Variants in RPAP3 observed in about 807,000 individuals in gnomAD.
RPAP3 encodes RNA polymerase II associated protein 3.
Under a neutral mutation model 88.8 loss-of-function variants are expected in RPAP3, and 58 were observed. The observed-to-expected ratio is 0.65, with a 90% CI of 0.53 to 0.81. The LOEUF is 0.81. Ranked by LOEUF, RPAP3 falls within the 40% of genes least tolerant of loss-of-function variation. RPAP3 has a pLI of 0.00. For synonymous variants in RPAP3, 255 were observed against 259.9 expected (o/e 0.98, Z 0.18); for missense variants, 751 against 764.3 (o/e 0.98, Z 0.20).
chr12:47,664,208 T>C (rs997299523), intron 16 of RPAP3, among the ~76,000 whole-genome samples: 5 of 152,164 alleles, frequency 3.3e-5, no homozygotes, highest in African/African-American at 1.2e-4. Context: ...GCTAACACGG[T>C]GAAACCCCGT....
chr12:47,704,863 A>C (rs1203023596), intron 1 of RPAP3, among the ~76,000 whole-genome samples: 1 of 151,848 alleles, frequency 6.6e-6, no homozygotes, highest in Non-Finnish European at 1.5e-5. Flanking sequence ...AAACACAAAA[A>C]TTAGCCAGGC....
chr12:47,665,396 C>T (rs1004523611), intron 16 of RPAP3, among the ~76,000 whole-genome samples: 4 of 151,202 alleles, frequency 2.6e-5, no homozygotes, highest in African/African-American at 4.8e-5. Flanking sequence ...CAATTACAGG[C>T]GTGAGCCACT....
chr12:47,672,465 A>G (rs1158353659), intron 12 of RPAP3, among the ~76,000 whole-genome samples: 1 of 152,238 alleles, frequency 6.6e-6, no homozygotes, highest in Non-Finnish European at 1.5e-5. Context: ...CCTTTGATAT[A>G]AACTAATCTG....
At position 47,671,045 on chromosome 12, in the gene RPAP3, A is replaced by C. The variant is rs1334866279; in HGVS notation, c.1288-700T>G. Among the ~76,000 whole-genome samples, 4 of 152,242 alleles carry C rather than the reference A, an allele frequency of 2.6e-5. No homozygotes were observed. In the East Asian group the frequency reaches 7.7e-4, roughly 29 times the overall value. ...GCCAAGTAATATTCACAAAGTTGGT[A>C]AAAGTAAACCCTTTTTTCCAATTTA... On this transcript the variant is annotated intron_variant, in intron 12 of 16. Coordinates refer to ENST00000005386, the MANE Select transcript of RPAP3 (RefSeq NM_024604.3).
chr12:47,704,302 T>C (rs1254238239), intron 1 of RPAP3, among the ~76,000 whole-genome samples: 1 of 152,046 alleles, frequency 6.6e-6, no homozygotes, highest in Admixed American at 6.5e-5. Context: ...AGTGAGAGGT[T>C]AGCAGTGCCA....
chr12:47,665,895 T>C (rs907711587), intron 16 of RPAP3, among the ~76,000 whole-genome samples: 2 of 152,152 alleles, frequency 1.3e-5, no homozygotes, highest in Admixed American at 6.5e-5. Flanking sequence ...CCCAAAGTGC[T>C]GGGATTACAG....
chr12:47,693,768 A>G (rs1422205395), intron 5 of RPAP3, among the ~76,000 whole-genome samples: 3 of 152,244 alleles, frequency 2.0e-5, no homozygotes, highest in Non-Finnish European at 4.4e-5. Flanking sequence ...AAATGATAAG[A>G]TGGTCCAAAA....
At position 47,663,599 on chromosome 12, in the gene RPAP3, G is replaced by GA. The variant is rs762152633; in HGVS notation, c.1913-10dup. 8.8e-6 allele frequency: 13 copies of GA among 1,480,864 alleles called. No individual in the cohort carries two copies. In the African/African-American group the frequency reaches 1.8e-4, roughly 21 times the overall value. 91.7% of individuals were successfully genotyped at this position (1,480,864 alleles called of 1,614,324 possible). A position where few individuals can be genotyped will look rare whatever the true frequency, so the allele number is the denominator to read the frequency against. Reference sequence around the variant, plus strand: ...AAATAATGCACGTGCAACTGAAAAAGAAAAAGAAATTCTCCATTTTAATCT... The same window carrying GA: ...AAATAATGCACGTGCAACTGAAAAAGAAAAAAGAAATTCTCCATTTTAATCT... On this transcript the variant is annotated splice_polypyrimidine_tract_variant and intron_variant, in intron 16 of 16. Transcript: ENST00000005386.
rs1938782646 is a variant in RPAP3, at chr12:47,662,591, T to C, written c.*914A>G. 2 of 152,250 alleles carry C rather than the reference T, an allele frequency of 1.3e-5. No homozygotes were observed. The highest frequency in any genetic ancestry group is 6.5e-5 in the Admixed American group (1 of 15,286). The allele number at this position is 152,250 out of a possible 1,614,324, so 9.4% of individuals were successfully genotyped here. ...CTCTAAAATTAACTGGTTTTACCAGTGCTTACACCATGCCCAAAAATTTGC... is the reference window on the plus strand; with the variant it reads ...CTCTAAAATTAACTGGTTTTACCAGCGCTTACACCATGCCCAAAAATTTGC... On this transcript the variant is annotated 3_prime_UTR_variant, in exon 17 of 17. Coordinates refer to ENST00000005386, the MANE Select transcript of RPAP3 (RefSeq NM_024604.3).
At chr12:47,685,304 G>A (rs1939300485) in intron 9 of RPAP3, among the ~76,000 whole-genome samples, 2 of 151,802 alleles carry the variant, frequency 1.3e-5, no homozygotes, top group South Asian at 4.2e-4. Context: ...GCTTGAACCT[G>A]GGAGGTGGAG....
At chr12:47,688,639 A>G (rs975740282) in intron 7 of RPAP3, among the ~76,000 whole-genome samples, 10 of 152,322 alleles carry the variant, frequency 6.6e-5, no homozygotes, top group African/African-American at 2.2e-4. Flanking sequence ...CTACATCACC[A>G]AACTTCTCAA....
chr12:47,686,771 A>G lies in RPAP3; in HGVS notation c.992+9T>C, dbSNP rs1327615645. On this transcript the variant is annotated intron_variant, in intron 9 of 16. Transcript: ENST00000005386. ...TCCTGAACAGCACTAAAATGTAACCAATACTTACTTCTGAATCTTCAGATA... is the reference window on the plus strand; with the variant it reads ...TCCTGAACAGCACTAAAATGTAACCGATACTTACTTCTGAATCTTCAGATA... 6.5e-7 allele frequency: 1 copy of G among 1,531,708 alleles called. No individual in the cohort carries two copies. Among genetic ancestry groups the G allele is most frequent in the Admixed American group, 2.2e-5 (1 of 45,026 alleles). 94.9% of individuals were successfully genotyped at this position (1,531,708 alleles called of 1,614,324 possible). A position where few individuals can be genotyped will look rare whatever the true frequency, so the allele number is the denominator to read the frequency against.
At chr12:47,693,774 C>T (rs1939471556) in intron 5 of RPAP3, among the ~76,000 whole-genome samples, 1 of 151,902 alleles carries the variant, frequency 6.6e-6, no homozygotes, top group Non-Finnish European at 1.5e-5. Flanking sequence ...TAAGATGGTC[C>T]AAAAAGAAAA....
chr12:47,677,479 A>G (rs934329308), intron 12 of RPAP3, among the ~76,000 whole-genome samples: 2 of 152,128 alleles, frequency 1.3e-5, no homozygotes, highest in Admixed American at 6.6e-5. Context: ...ACATGATTGT[A>G]TATTTAGAAA....
intron 3 of RPAP3, chr12:47,699,991 CTTT>C (rs34436877): frequency 7.5e-5 from 9 of 119,326 alleles, no homozygotes; most frequent in Admixed American, 1.7e-4. Flanking sequence ...TGGAAATGTT[CTTT>C]TTTTTTTTTT....
chr12:47,680,632 G>A (rs943012709), intron 10 of RPAP3, among the ~76,000 whole-genome samples: 2 of 150,550 alleles, frequency 1.3e-5, no homozygotes, highest in Non-Finnish European at 3.0e-5. Flanking sequence ...GAAAGTTGAA[G>A]GAATAAAATA....
chr12:47,697,739 AACAGGG>A lies in RPAP3; in HGVS notation c.295-26_295-21del, dbSNP rs140915397. ...ACGGTCCTAAAATCAAAAGACGGAA[AACAGGG>A]GTCATAATTATATGATTAGGAAAAA... On this transcript the variant is annotated intron_variant, in intron 3 of 16. Transcript: ENST00000005386. The A allele has an allele frequency of 0.069, 108,927 of 1,573,862 alleles. 4,326 individuals carry two copies. The highest frequency in any genetic ancestry group is 0.13 in the Middle Eastern group (780 of 5,960).
chr12:47,703,800 T>C (rs548919298), intron 1 of RPAP3, among the ~76,000 whole-genome samples: 2 of 152,298 alleles, frequency 1.3e-5, no homozygotes, highest in Non-Finnish European at 2.9e-5. Context: ...CTGAAAGTTA[T>C]GTGAAAATAT....
chr12:47,668,895 T>C, intron 14 of RPAP3, 21 bp downstream of exon 14: 1 of 1,579,068 alleles, frequency 6.3e-7, no homozygotes, highest in Non-Finnish European at 8.7e-7. Flanking sequence ...ACAACAGAAG[T>C]ACTACCTTCC....
Sources: allele counts gnomAD v4.1 joint callset (sites outside exome capture counted in the v4.1 genomes callset), GRCh38; gene constraint gnomAD v4.1.1; transcripts MANE v1.5; gene names NCBI Gene and HGNC (gene_info 2026-07-23, HGNC 2026-07-21).